The following FGGY variants were observed in gnomAD, a reference collection of about 807,000 sequenced individuals.
FGGY encodes the protein FGGY carbohydrate kinase domain containing, also known as FGGY carbohydrate kinase domain-containing protein.
A neutral mutation model predicts 71.3 loss-of-function variants in FGGY; 72 were observed. The ratio of observed to expected loss-of-function variants is 1.01; its 90% CI spans 0.84 to 1.23. The LOEUF is 1.23. Among genes scored for constraint, FGGY ranks in the 50% most tolerant of loss-of-function variants. The pLI is 0.00. For synonymous variants in FGGY, 251 were observed against 250.3 expected (o/e 1.00, Z -0.02); for missense variants, 668 against 682.3 (o/e 0.98, Z 0.23).
chr1:59,374,852 GAAC>G (rs1238854231), intron 4 of FGGY, among the ~76,000 whole-genome samples: 136 of 133,628 alleles, frequency 1.0e-3, no homozygotes, highest in African/African-American at 3.8e-3. Flanking sequence ...GGTGGGAATT[GAAC>G]AATGGGAACA....
At chr1:59,722,397 A>G (rs2097905044) in intron 14 of FGGY, among the ~76,000 whole-genome samples, 1 of 152,170 alleles carries the variant, frequency 6.6e-6, no homozygotes, top group Admixed American at 6.5e-5. Context: ...CACTAAACAC[A>G]TCTCAAACTT....
chr1:59,655,591 C>T (rs1314144931), intron 11 of FGGY, among the ~76,000 whole-genome samples: 2 of 152,120 alleles, frequency 1.3e-5, no homozygotes, highest in Admixed American at 1.3e-4. Context: ...CATGTCCCTG[C>T]AAAGGACATG....
intron 13 of FGGY, among the ~76,000 whole-genome samples, chr1:59,669,923 G>A (rs887138331): frequency 1.3e-5 from 2 of 152,182 alleles, no homozygotes; most frequent in Admixed American, 6.5e-5. Flanking sequence ...CAGAAGCACG[G>A]CGGGGAGTGC....
chr1:59,701,310 G>A (rs1035621073), intron 14 of FGGY, among the ~76,000 whole-genome samples: 3 of 152,162 alleles, frequency 2.0e-5, no homozygotes, highest in African/African-American at 4.8e-5. Flanking sequence ...CTTGGATATC[G>A]TACTTCACAC....
At chr1:59,735,268 G>A (rs1406949074) in intron 14 of FGGY, among the ~76,000 whole-genome samples, 1 of 152,136 alleles carries the variant, frequency 6.6e-6, no homozygotes, top group Non-Finnish European at 1.5e-5. Context: ...AGCCCTCTGA[G>A]GTAAGAGGTT....
intron 6 of FGGY, among the ~76,000 whole-genome samples, chr1:59,485,809 C>G (rs2093641369): frequency 1.3e-5 from 2 of 152,126 alleles, no homozygotes; most frequent in African/African-American, 4.8e-5. Flanking sequence ...TTCTAAGAGA[C>G]TTACCCCCAT....
At chr1:59,639,450 C>T (rs1488807937) in intron 11 of FGGY, among the ~76,000 whole-genome samples, 3 of 152,116 alleles carry the variant, frequency 2.0e-5, no homozygotes, top group Admixed American at 6.5e-5. Flanking sequence ...TGAAGCATGC[C>T]TACACAACAA....
intron 5 of FGGY, among the ~76,000 whole-genome samples, chr1:59,441,755 C>T (rs77827290): frequency 6.6e-6 from 1 of 152,190 alleles, no homozygotes; most frequent in African/African-American, 2.4e-5. Context: ...TGAATGATGG[C>T]TTCACCATGT....
intron 4 of FGGY, among the ~76,000 whole-genome samples, chr1:59,351,115 G>A (rs1032352424): frequency 3.9e-5 from 6 of 152,218 alleles, no homozygotes; most frequent in Non-Finnish European, 5.9e-5. Context: ...TTTAGTGGCC[G>A]TAAGTAAAGT....
chr1:59,334,068 G>T lies in FGGY; in HGVS notation c.202-5890G>T, dbSNP rs1013348211. Among the ~76,000 whole-genome samples the T allele has an allele frequency of 2.6e-5, 4 of 152,330 alleles. No homozygotes were observed. In the East Asian group the frequency reaches 7.7e-4, roughly 29 times the overall value. On this transcript the variant is annotated intron_variant, in intron 2 of 15. Transcript: ENST00000303721. ...TCTGGCTCTGCAATCTACTGGCTGTGTGACAAGTGCAAGTTCCTTAACCTC... is the reference window on the plus strand; with the variant it reads ...TCTGGCTCTGCAATCTACTGGCTGTTTGACAAGTGCAAGTTCCTTAACCTC...
At chr1:59,434,843 AG>A (rs1031289049) in intron 5 of FGGY, among the ~76,000 whole-genome samples, 3 of 152,214 alleles carry the variant, frequency 2.0e-5, no homozygotes, top group South Asian at 2.1e-4. Context: ...AGGAATTTTG[AG>A]GGGGGGATAC....
chr1:59,307,952 G>A (rs1274431938), intron 1 of FGGY, among the ~76,000 whole-genome samples: 2 of 152,126 alleles, frequency 1.3e-5, no homozygotes, highest in Admixed American at 6.5e-5. Context: ...TGGGCTGGAT[G>A]GGCCAGTGAT....
chr1:59,559,565 A>T (rs2095751853), intron 8 of FGGY, among the ~76,000 whole-genome samples: 1 of 152,168 alleles, frequency 6.6e-6, no homozygotes, highest in South Asian at 2.1e-4. Flanking sequence ...GCTAGTTTTT[A>T]CAAGCACATA....
chr1:59,506,531 G>A (rs1397075914), intron 6 of FGGY, among the ~76,000 whole-genome samples: 1 of 152,222 alleles, frequency 6.6e-6, no homozygotes, highest in South Asian at 2.1e-4. Flanking sequence ...GGGCATGGTG[G>A]CTTATGCCTG....
At chr1:59,733,436 CTGT>C (rs1287357429) in intron 14 of FGGY, 3 of 137,230 alleles carry the variant, frequency 2.2e-5, no homozygotes, top group African/African-American at 8.0e-5. Context: ...AGAACTTATG[CTGT>C]TGTTTTGTTT....
chr1:59,736,341 T>C (rs894617056), intron 14 of FGGY, among the ~76,000 whole-genome samples: 3 of 152,246 alleles, frequency 2.0e-5, no homozygotes, highest in Admixed American at 2.0e-4. Context: ...AAATGTGGAA[T>C]TGACTTTGGA....
At chr1:59,676,621 G>C (rs1253529466) in intron 14 of FGGY, among the ~76,000 whole-genome samples, 1 of 152,032 alleles carries the variant, frequency 6.6e-6, no homozygotes, top group Non-Finnish European at 1.5e-5. Context: ...CTGACATCTT[G>C]ACTACATGAG....
intron 6 of FGGY, among the ~76,000 whole-genome samples, chr1:59,479,422 G>A (rs762178548): frequency 1.6e-4 from 24 of 152,174 alleles, no homozygotes; most frequent in Non-Finnish European, 3.1e-4. Context: ...AGTAGTGAGT[G>A]ATGGGTTGCT....
chr1:59,711,323 G>A (rs183895538), intron 14 of FGGY, among the ~76,000 whole-genome samples: 280 of 152,226 alleles, frequency 1.8e-3, no homozygotes, highest in African/African-American at 5.9e-3. Context: ...ATAGCATTAG[G>A]AGAAATACCT....
Sources: allele counts gnomAD v4.1 joint callset (sites outside exome capture counted in the v4.1 genomes callset), GRCh38; gene constraint gnomAD v4.1.1; transcripts MANE v1.5; gene names NCBI Gene and HGNC (gene_info 2026-07-23, HGNC 2026-07-21).